The following FAAH2 variants were observed in gnomAD, a reference collection of about 807,000 sequenced individuals.
The protein encoded by FAAH2 is fatty-acid amide hydrolase 2.
FAAH2 carries 60 observed loss-of-function variants against 36.9 expected under a neutral mutation model. The ratio of observed to expected loss-of-function variants is 1.63; its 90% CI spans 1.32 to 2.02. The LOEUF is 2.02. Among genes scored for constraint, FAAH2 ranks in the 30% most tolerant of loss-of-function variants. The pLI is 0.00. For missense variants in FAAH2, 689 were observed against 397.5 expected, an observed-to-expected ratio of 1.73 and a Z score of -6.23; for synonymous variants, 214 against 143.8, an observed-to-expected ratio of 1.49 and a Z score of -3.49.
intron 2 of FAAH2, among the ~76,000 whole-genome samples, chrX:57,309,443 T>C (rs2052630468): frequency 1.8e-5 from 2 of 112,258 alleles, no homozygotes; most frequent in Non-Finnish European, 3.8e-5. Flanking sequence ...GTAAAACTTT[T>C]AGGAAACACC....
chrX:57,158,971 T>C, the FAAH2 span, among the ~76,000 whole-genome samples: 1 of 112,530 alleles, frequency 8.9e-6, no homozygotes, highest in Non-Finnish European at 1.9e-5. Context: ...ATTTTTATGG[T>C]TTTAGGTCTA....
At chrX:57,216,403 CTTAGAA>C in the FAAH2 span, among the ~76,000 whole-genome samples, 3 of 102,204 alleles carry the variant, frequency 2.9e-5, no homozygotes, top group Admixed American at 3.4e-4. Flanking sequence ...AGTTATTTCA[CTTAGAA>C]TTATAGTCTC....
chrX:57,194,864 C>T, the FAAH2 span, among the ~76,000 whole-genome samples: 5 of 111,649 alleles, frequency 4.5e-5, no homozygotes, highest in Non-Finnish European at 9.4e-5. Flanking sequence ...AGTTACTTTA[C>T]TTAGAATAAT....
rs12559416 is a variant in FAAH2 at position 57,458,738 on chromosome X, C to T, written c.1423+10020C>T. ...ACCCGGGAAGTGCAAGGAGTGGGGG[C>T]CTCCGTTCCCTAGCCAAGGGAAGCC... On this transcript the variant is annotated intron_variant, in intron 10 of 10. Coordinates refer to ENST00000374900, the MANE Select transcript of FAAH2 (RefSeq NM_174912.4). Among the ~76,000 whole-genome samples, 1,101 of 111,529 alleles carry T rather than the reference C, an allele frequency of 9.9e-3. 9 individuals carry two copies. Among genetic ancestry groups the T allele is most frequent in the Non-Finnish European group, 0.017 (894 of 52,944 alleles).
the FAAH2 span, among the ~76,000 whole-genome samples, chrX:57,216,519 C>T: frequency 1.6e-4 from 8 of 51,110 alleles, no homozygotes; most frequent in East Asian, 5.1e-4. Flanking sequence ...TATATATATA[C>T]GTATATGTAT....
At chrX:57,226,631 T>A in the FAAH2 span, among the ~76,000 whole-genome samples, 1 of 111,675 alleles carries the variant, frequency 9.0e-6, no homozygotes, top group Non-Finnish European at 1.9e-5. Context: ...TGTGCCTAGG[T>A]GAAGATCTTT....
chrX:57,401,679 C>A (rs2055439511), intron 7 of FAAH2, among the ~76,000 whole-genome samples: 1 of 111,066 alleles, frequency 9.0e-6, no homozygotes, highest in South Asian at 3.9e-4. Context: ...GGGGTACTGC[C>A]TTTGGTAGGG....
intron 5 of FAAH2, among the ~76,000 whole-genome samples, chrX:57,365,313 T>C (rs1036865808): frequency 8.9e-6 from 1 of 112,125 alleles, no homozygotes; most frequent in Admixed American, 9.4e-5. Flanking sequence ...CTTTCACTTA[T>C]GAAGTTAGTT....
intron 8 of FAAH2, among the ~76,000 whole-genome samples, chrX:57,437,668 A>C (rs1026467639): frequency 6.7e-5 from 7 of 104,634 alleles, no homozygotes; most frequent in Non-Finnish European, 1.4e-4. Flanking sequence ...TTGTTAATTA[A>C]TAAGATGAAA....
the FAAH2 span, among the ~76,000 whole-genome samples, chrX:57,206,731 A>C: frequency 8.9e-6 from 1 of 112,210 alleles, no homozygotes; most frequent in African/African-American, 3.2e-5. Context: ...ATGACTATTA[A>C]AGGCCAATTT....
intron 5 of FAAH2, among the ~76,000 whole-genome samples, chrX:57,355,942 G>A (rs1286303900): frequency 9.0e-6 from 1 of 110,994 alleles, no homozygotes; most frequent in East Asian, 2.8e-4. Context: ...CCTTTATTAT[G>A]TTGAGGCAAT....
the FAAH2 span, among the ~76,000 whole-genome samples, chrX:57,251,482 G>C: frequency 1.8e-5 from 2 of 111,458 alleles, no homozygotes; most frequent in African/African-American, 3.3e-5. Context: ...ATTCAACGCA[G>C]TACTAAAAGT....
intron 5 of FAAH2, among the ~76,000 whole-genome samples, chrX:57,343,725 T>C (rs1437672266): frequency 8.9e-6 from 1 of 111,904 alleles, no homozygotes; most frequent in Non-Finnish European, 1.9e-5. Context: ...TAGGCTTTCC[T>C]CTAGCATTTT....
the FAAH2 span, among the ~76,000 whole-genome samples, chrX:57,182,266 T>C: frequency 1.8e-5 from 2 of 111,445 alleles, no homozygotes; most frequent in African/African-American, 3.3e-5. Context: ...CACAGAAAAA[T>C]AAGCTATCAA....
rs759442993 is a variant in FAAH2 at position 57,446,911 on chromosome X, C to A, written c.1117-17C>A. ...GAGAAAATACTCTTGTATTTTATTT[C>A]TTTCCTTCAATCTCAGGAACCTGTG... On this transcript the variant is annotated splice_polypyrimidine_tract_variant and intron_variant, in intron 8 of 10. Coordinates refer to ENST00000374900, the MANE Select transcript of FAAH2 (RefSeq NM_174912.4). 6 of 1,161,667 alleles carry A rather than the reference C, an allele frequency of 5.2e-6. No homozygotes were observed. Among genetic ancestry groups the A allele is most frequent in the East Asian group, 3.0e-5 (1 of 33,299 alleles).
chrX:57,322,333 C>G (rs961565074), intron 3 of FAAH2, among the ~76,000 whole-genome samples: 6 of 111,941 alleles, frequency 5.4e-5, no homozygotes, highest in Non-Finnish European at 1.1e-4. Context: ...GGTCCCCGAT[C>G]TCTTCTTCCA....
At chrX:57,154,881 C>T in the FAAH2 span, among the ~76,000 whole-genome samples, 2 of 110,262 alleles carry the variant, frequency 1.8e-5, no homozygotes, top group Non-Finnish European at 3.8e-5. Context: ...TTATGTAGTA[C>T]TCTCCTCTTT....
intron 3 of FAAH2, among the ~76,000 whole-genome samples, chrX:57,320,935 G>A (rs1335688488): frequency 9.0e-6 from 1 of 111,380 alleles, no homozygotes; most frequent in African/African-American, 3.3e-5. Context: ...TCGGCAGATC[G>A]AGACCATCCT....
Position 57,390,869 on chromosome X carries a change from T to C in FAAH2, c.996+9840T>C, listed in dbSNP as rs181792563. On this transcript the variant is annotated intron_variant, in intron 7 of 10. Transcript: ENST00000374900. ...GGAGTGGAAATGCAGTGCTGAATGG[T>C]AGCTTTATTTTGGTTCTTTGAGAAA... Among the ~76,000 whole-genome samples, 31 of 111,551 alleles carry C rather than the reference T, an allele frequency of 2.8e-4. No homozygotes were observed. The East Asian group carries it at 7.9e-3, about 28-fold the overall frequency.
Sources: gnomAD v4.1 joint callset for allele counts (sites outside exome capture counted in the v4.1 genomes callset) on GRCh38, gnomAD v4.1.1 for gene constraint, MANE v1.5 for transcripts, NCBI Gene and HGNC (gene_info 2026-07-23, HGNC 2026-07-21) for gene names.